IPO7: variants seen among roughly 807,000 people sequenced by gnomAD.
The protein encoded by IPO7 is importin-7.
Under a neutral mutation model 136.4 loss-of-function variants are expected in IPO7, and 13 were observed. That is an observed-to-expected ratio of 0.10 (90% CI 0.06 to 0.15). The LOEUF (loss-of-function observed/expected upper bound fraction) is 0.15, where lower values mean the gene tolerates loss of function less well. Ranked by LOEUF, IPO7 falls within the 10% of genes least tolerant of loss-of-function variation. The pLI, the probability that IPO7 is intolerant of heterozygous loss-of-function variation, is 1.00. For synonymous variants in IPO7, 403 were observed against 404.4 expected (o/e 1.00, Z 0.04); for missense variants, 857 against 1,240.6 (o/e 0.69, Z 4.65).
Position 9,423,892 on chromosome 11 carries a change from GT to G in IPO7, c.1141+21del. 1 of 1,497,356 alleles carries G rather than the reference GT, an allele frequency of 6.7e-7. No individual in the cohort carries two copies. The highest frequency in any genetic ancestry group is 1.2e-5 in the South Asian group (1 of 86,584). The allele number at this position is 1,497,356 out of a possible 1,614,324, so 92.8% of individuals were successfully genotyped here. A position where few individuals can be genotyped will look rare whatever the true frequency, so the allele number is the denominator to read the frequency against. On this transcript the variant is annotated intron_variant, in intron 10 of 24. Coordinates refer to ENST00000379719, the MANE Select transcript of IPO7 (RefSeq NM_006391.3). The stretch of plus-strand genomic sequence containing the variant: ...ATGAAGTTTGGTAAGGAATTTTCAC[GT>G]TTTTAGAAACAAAAAATGTCAGTAA...
intron 2 of IPO7, among the ~76,000 whole-genome samples, chr11:9,407,006 T>C (rs1480055743): frequency 6.6e-6 from 1 of 152,218 alleles, no homozygotes; most frequent in Non-Finnish European, 1.5e-5. Flanking sequence ...CTGGCTAGAG[T>C]AGACTGAATC....
rs796977359 is a variant in IPO7 at position 9,409,459 on chromosome 11, A to C, written c.321-469A>C. ...TGATTTCACATTGACGAAACCAAAA[A>C]CTTCATATAAAACTTGTGGGCCGGG... On this transcript the variant is annotated intron_variant, in intron 3 of 24. Transcript: ENST00000379719. Among the ~76,000 whole-genome samples the C allele has an allele frequency of 5.9e-5, 9 of 152,064 alleles. 1 individual carries two copies. The highest frequency in any genetic ancestry group is 2.2e-4 in the African/African-American group (9 of 41,484).
rs1855185603 is a variant in IPO7 at position 9,425,128 on chromosome 11, T to C, written c.1219-18T>C. 1 of 1,506,160 alleles carries C rather than the reference T, an allele frequency of 6.6e-7. No individual in the cohort carries two copies. Among genetic ancestry groups the C allele is most frequent in the Non-Finnish European group, 9.2e-7 (1 of 1,083,734 alleles). 93.3% of individuals were successfully genotyped at this position (1,506,160 alleles called of 1,614,324 possible). A position where few individuals can be genotyped will look rare whatever the true frequency, so the allele number is the denominator to read the frequency against. On this transcript the variant is annotated intron_variant, in intron 11 of 24. Coordinates refer to ENST00000379719, the MANE Select transcript of IPO7 (RefSeq NM_006391.3). ...CTGTTGGCCTATTCAGTAACAATAC[T>C]TTTCTCTTTTAATCTAGGTACTGCA...
At chr11:9,429,953 A>G (rs1590448039) in intron 15 of IPO7, 119 bp downstream of exon 15, 2 of 636,356 alleles carry the variant, frequency 3.1e-6, no homozygotes, top group Non-Finnish European at 5.2e-6. Context: ...GGCACCTGGG[A>G]TCGGTTTCAT....
rs375511519 is a variant in IPO7, at chr11:9,443,406, A to G, written c.3019+1209A>G. On this transcript the variant is annotated intron_variant, in intron 24 of 24. Coordinates refer to ENST00000379719, the MANE Select transcript of IPO7 (RefSeq NM_006391.3). ...TTTAGAGTTCGAGACCAGCCTGACC[A>G]ACGTGGAGAAACCCCATCTCTACTG... 6.0e-5 allele frequency among the ~76,000 whole-genome samples: 9 copies of G among 151,252 alleles called. No homozygotes were observed. In the South Asian group the frequency reaches 1.7e-3, roughly 28 times the overall value.
chr11:9,447,990 T>A lies in IPO7; in HGVS notation c.*2796T>A, dbSNP rs1306201950. Reference sequence around the variant, plus strand: ...AGCATAAAGAAAAATGAATTAAAAATTAAATTAATATGGAAAGTTAAAAAA... The same window carrying A: ...AGCATAAAGAAAAATGAATTAAAAAATAAATTAATATGGAAAGTTAAAAAA... On this transcript the variant is annotated 3_prime_UTR_variant, in exon 25 of 25. Transcript: ENST00000379719. The A allele has an allele frequency of 6.6e-6, 1 of 152,146 alleles. No individual in the cohort carries two copies. The highest frequency in any genetic ancestry group is 1.5e-5 in the Non-Finnish European group (1 of 68,030). 9.4% of individuals were successfully genotyped at this position (152,146 alleles called of 1,614,324 possible). A position where few individuals can be genotyped will look rare whatever the true frequency, so the allele number is the denominator to read the frequency against.
Position 9,414,619 on chromosome 11 carries a change from CTTTTTTTT to C in IPO7, c.636+228_636+235del, listed in dbSNP as rs1164303193. ...AAATACATAAACAACCCTAATGAATCTTTTTTTTTTTTTTTTTTTTTTTTTTTGAGACT... is the reference window on the plus strand; with the variant it reads ...AAATACATAAACAACCCTAATGAATCTTTTTTTTTTTTTTTTTTTGAGACT... On this transcript the variant is annotated intron_variant, in intron 5 of 24. Coordinates refer to ENST00000379719, the MANE Select transcript of IPO7 (RefSeq NM_006391.3). The C allele has an allele frequency of 3.2e-4, 23 of 71,356 alleles. No homozygotes were observed. The South Asian group carries it at 3.3e-3, about 10-fold the overall frequency. 4.4% of individuals were successfully genotyped at this position (71,356 alleles called of 1,614,324 possible). A position where few individuals can be genotyped will look rare whatever the true frequency, so the allele number is the denominator to read the frequency against.
chr11:9,389,655 G>T (rs188096693), intron 1 of IPO7, among the ~76,000 whole-genome samples: 2 of 152,194 alleles, frequency 1.3e-5, no homozygotes, highest in Non-Finnish European at 2.9e-5. Flanking sequence ...TGTTATATTC[G>T]CAGTCAAGAA....
chr11:9,438,138 A>T lies in IPO7; in HGVS notation c.2548A>T (p.Ile850Leu). The change falls in exon 22 of 25, where the codon ATA (isoleucine) becomes TTA (leucine). Residue 850 changes from isoleucine (I) to leucine (L), a missense_variant. Ile to Leu is a conservative substitution (Grantham distance 5). This residue lies in a region of IPO7 where 7 missense variants were observed against 45.6 expected (regional missense o/e 0.15). Transcript: ENST00000379719. ...GLCALIDMEQ[I>L]PQVLNQVSGQ... Reference sequence around the variant, plus strand: ...CTGTGCTCTTATTGATATGGAACAGATACCCCAAGTTTTAAATCAGGTTTC... The same window carrying T: ...CTGTGCTCTTATTGATATGGAACAGTTACCCCAAGTTTTAAATCAGGTTTC... 2.5e-6 allele frequency: 4 copies of T among 1,604,832 alleles called. No homozygotes were observed. Among genetic ancestry groups the T allele is most frequent in the Non-Finnish European group, 3.4e-6 (4 of 1,178,866 alleles).
At chr11:9,444,759 C>T (rs560108741) in intron 24 of IPO7, among the ~76,000 whole-genome samples, 3 of 151,008 alleles carry the variant, frequency 2.0e-5, no homozygotes, top group African/African-American at 4.9e-5. Context: ...ATCGCTTGCA[C>T]CTGGGAGGCA....
chr11:9,423,052 C>G lies in IPO7; in HGVS notation c.953C>G (p.Ala318Gly), dbSNP rs1412905676. The G allele has an allele frequency of 3.7e-6, 6 of 1,603,308 alleles. No homozygotes were observed. The South Asian group carries it at 6.6e-5, about 18-fold the overall frequency. The change falls in exon 9 of 25, where the codon GCT becomes GGT. Residue 318 changes from alanine (A) to glycine (G), a missense_variant. Transcript: ENST00000379719. ...CAGTACAAGGAGAAGCAATATATGGCTCCTCGAGTTTTACAACAGACATTA... is the reference window on the plus strand; with the variant it reads ...CAGTACAAGGAGAAGCAATATATGGGTCCTCGAGTTTTACAACAGACATTA... ...LYQYKEKQYM[A>G]PRVLQQTLNY...
chr11:9,434,802 C>T (rs1258847368), intron 18 of IPO7, 132 bp from the exon 19 acceptor site: 4 of 680,338 alleles, frequency 5.9e-6, no homozygotes, highest in African/African-American at 3.6e-5. Flanking sequence ...TGTCCCCCCT[C>T]CCCCCAAAAA....
chr11:9,400,483 G>A (rs1246429053), intron 1 of IPO7, among the ~76,000 whole-genome samples: 2 of 151,768 alleles, frequency 1.3e-5, no homozygotes, highest in Non-Finnish European at 2.9e-5. Context: ...GTGCGGTGGC[G>A]CGATCTCGGC....
Position 9,448,057 on chromosome 11 carries a change from T to C in IPO7, c.*2863T>C, listed in dbSNP as rs1363513829. The C allele has an allele frequency of 6.6e-6, 1 of 152,200 alleles. No homozygotes were observed. The highest frequency in any genetic ancestry group is 2.4e-5 in the African/African-American group (1 of 41,446). 9.4% of individuals were successfully genotyped at this position (152,200 alleles called of 1,614,324 possible). A position where few individuals can be genotyped will look rare whatever the true frequency, so the allele number is the denominator to read the frequency against. ...GACTAAACCATGTCTTTGGCAAAGA[T>C]CTAACACAATGTCTTAAGTATAATA... is the stretch of plus-strand genomic sequence containing the variant. On this transcript the variant is annotated 3_prime_UTR_variant, in exon 25 of 25. Transcript: ENST00000379719.
At chr11:9,392,112 T>C (rs969703636) in intron 1 of IPO7, 1 of 337,792 alleles carries the variant, frequency 3.0e-6, no homozygotes, top group African/African-American at 2.3e-5. Context: ...TGACTTAACC[T>C]CACTATGCCT....
chr11:9,427,860 G>A (rs1855235197), intron 12 of IPO7, among the ~76,000 whole-genome samples: 1 of 152,152 alleles, frequency 6.6e-6, no homozygotes, highest in South Asian at 2.1e-4. Flanking sequence ...CCATGACCCA[G>A]TCTAGGGTCT....
At chr11:9,422,258 C>CAAAT (rs939178979) in intron 8 of IPO7, among the ~76,000 whole-genome samples, 7 of 151,674 alleles carry the variant, frequency 4.6e-5, no homozygotes, top group East Asian at 1.9e-4. Flanking sequence ...AACTCCATCT[C>CAAAT]AAATAAATAA....
chr11:9,406,866 C>A (rs916771326), intron 2 of IPO7, among the ~76,000 whole-genome samples: 3 of 151,802 alleles, frequency 2.0e-5, no homozygotes, highest in South Asian at 4.1e-4. Context: ...AGAGTGAGAC[C>A]CTTTCTCAAA....
rs772562320 is a variant in IPO7 at position 9,409,981 on chromosome 11, G to A, written c.374G>A (p.Arg125His). ...HHIIKHDYPS[R>H]WTAIVDKIGF... ...ATCATCAAACATGATTATCCAAGCC[G>A]CTGGACTGCCATTGTGGACAAAATT... The change falls in exon 4 of 25, where the codon CGC becomes CAC. Residue 125 changes from arginine (R) to histidine (H), a missense_variant. Physicochemically the swap from Arg to His is conservative, Grantham distance 29. This residue lies in a region of IPO7 where 287 missense variants were observed against 307.5 expected (regional missense o/e 0.93). Transcript: ENST00000379719. 6.8e-6 allele frequency: 11 copies of A among 1,606,346 alleles called. No homozygotes were observed. Among genetic ancestry groups the A allele is most frequent in the Admixed American group, 1.7e-5 (1 of 58,878 alleles).
Sources: gnomAD v4.1 joint callset for allele counts (sites outside exome capture counted in the v4.1 genomes callset) on GRCh38, gnomAD v4.1.1 for gene constraint, gnomAD v4.1.1 regional missense constraint, MANE v1.5 for transcripts, NCBI Gene and HGNC (gene_info 2026-07-23, HGNC 2026-07-21) for gene names.